Variants in DCC observed in about 807,000 individuals in gnomAD.
The protein encoded by DCC is netrin receptor DCC.
Under a neutral mutation model 172.5 loss-of-function variants are expected in DCC, and 58 were observed. That is an observed-to-expected ratio of 0.34 (90% CI 0.27 to 0.42). The LOEUF (loss-of-function observed/expected upper bound fraction) is 0.42, where lower values mean the gene tolerates loss of function less well. Among genes scored for constraint, DCC ranks in the 10% least tolerant of loss-of-function variants. The pLI is 1.00. For synonymous variants in DCC, 709 were observed against 644.5 expected (o/e 1.10, Z -1.52); for missense variants, 1,740 against 1,791.0 (o/e 0.97, Z 0.51).
intron 1 of DCC, among the ~76,000 whole-genome samples, chr18:52,407,461 G>A (rs2144393676): frequency 6.6e-6 from 1 of 151,942 alleles, no homozygotes; most frequent in South Asian, 2.1e-4. Context: ...TAATAACCTG[G>A]TCATACTCCA....
intron 2 of DCC, among the ~76,000 whole-genome samples, chr18:52,904,669 G>T (rs1568178265): frequency 6.6e-6 from 1 of 152,042 alleles, no homozygotes; most frequent in Non-Finnish European, 1.5e-5. Flanking sequence ...CTGGACCTGG[G>T]GAATGTTGAC....
rs189998697 is a variant in DCC at position 53,305,908 on chromosome 18, T to C, written c.2053+189T>C. On this transcript the variant is annotated intron_variant, in intron 13 of 28. Coordinates refer to ENST00000442544, the MANE Select transcript of DCC (RefSeq NM_005215.4). ...TTCTCTATAATGTTTTCACTATATA[T>C]TTCTCTCTGGATCATCGTCTTAATA... 9.5e-4 allele frequency among the ~76,000 whole-genome samples: 145 copies of C among 152,370 alleles called. 1 individual carries two copies. The highest frequency in any genetic ancestry group is 3.1e-3 in the African/African-American group (129 of 41,594).
Position 52,748,080 on chromosome 18 carries a change from A to G in DCC, c.92-3974A>G, listed in dbSNP as rs73457790. Among the ~76,000 whole-genome samples, 980 of 152,266 alleles carry G rather than the reference A, an allele frequency of 6.4e-3. 10 individuals are homozygous for G. The highest frequency in any genetic ancestry group is 0.023 in the African/African-American group (936 of 41,550). On this transcript the variant is annotated intron_variant, in intron 1 of 28. Transcript: ENST00000442544. The stretch of plus-strand genomic sequence containing the variant: ...CACGCCCACCATAGGCGTGCCAGGC[A>G]TGGAGCGGTGAGGGGTGTGTGAGTG...
chr18:53,266,395 A>G (rs1249653965), intron 12 of DCC, among the ~76,000 whole-genome samples: 2 of 152,204 alleles, frequency 1.3e-5, no homozygotes, highest in South Asian at 4.2e-4. Context: ...TTGTTTTATG[A>G]TTTTTGTTAT....
intron 2 of DCC, among the ~76,000 whole-genome samples, chr18:52,902,075 G>A (rs1229320696): frequency 6.6e-6 from 1 of 152,146 alleles, no homozygotes; most frequent in East Asian, 1.9e-4. Context: ...TTCCTTTTCA[G>A]AGGAAGTTCC....
At chr18:53,152,682 G>C (rs370468341) in intron 7 of DCC, among the ~76,000 whole-genome samples, 7 of 152,308 alleles carry the variant, frequency 4.6e-5, no homozygotes, top group African/African-American at 1.7e-4. Context: ...ATGGGCCAGA[G>C]AGATTAGGGC....
intron 2 of DCC, among the ~76,000 whole-genome samples, chr18:52,783,431 A>G (rs1019628353): frequency 2.1e-5 from 3 of 140,274 alleles, no homozygotes; most frequent in African/African-American, 5.4e-5. Flanking sequence ...TAATCTTGGC[A>G]TCCACAGGTG....
At chr18:53,030,241 C>T (rs2042009664) in intron 5 of DCC, among the ~76,000 whole-genome samples, 1 of 152,152 alleles carries the variant, frequency 6.6e-6, no homozygotes, top group Non-Finnish European at 1.5e-5. Flanking sequence ...TTCTGGCTAC[C>T]TTGCTAGAAT....
At chr18:53,352,789 G>C (rs1167074885) in intron 15 of DCC, among the ~76,000 whole-genome samples, 1 of 151,968 alleles carries the variant, frequency 6.6e-6, no homozygotes, top group African/African-American at 2.4e-5. Flanking sequence ...TATTTCATCT[G>C]TTGTCCCACC....
chr18:52,934,127 A>G (rs188093673), intron 5 of DCC, among the ~76,000 whole-genome samples: 2 of 152,244 alleles, frequency 1.3e-5, no homozygotes, highest in Non-Finnish European at 2.9e-5. Context: ...ATCATTATCT[A>G]TAAAATGTAC....
intron 7 of DCC, among the ~76,000 whole-genome samples, chr18:53,108,181 A>AG (rs2043278245): frequency 1.3e-3 from 6 of 4,676 alleles, no homozygotes; most frequent in African/African-American, 1.5e-3. Flanking sequence ...ATACACAGAA[A>AG]AACACACACA....
In DCC at chr18:53,476,352, C is replaced by G. The variant is rs558391426; in HGVS notation, c.3736+8342C>G. 3.9e-5 allele frequency among the ~76,000 whole-genome samples: 6 copies of G among 152,264 alleles called. 1 individual carries two copies. The South Asian group carries it at 1.2e-3, about 32-fold the overall frequency. ...TATATGGTTTGGCTGTGTCCCCACC[C>G]AAATCTCATCTTGAATTCCCATGTG... On this transcript the variant is annotated intron_variant, in intron 25 of 28. Transcript: ENST00000442544.
chr18:53,126,571 C>G (rs1410262286), intron 7 of DCC, among the ~76,000 whole-genome samples: 7 of 152,114 alleles, frequency 4.6e-5, no homozygotes, highest in African/African-American at 1.7e-4. Context: ...ATAGCACAAA[C>G]AATCTGGGTT....
At chr18:53,452,890 G>GGTTTGTTTGTTT (rs10553364) in intron 23 of DCC, among the ~76,000 whole-genome samples, 69 of 150,294 alleles carry the variant, frequency 4.6e-4, no homozygotes, top group Middle Eastern at 3.4e-3. Flanking sequence ...AGTTTAGTGG[G>GGTTTGTTTGTTT]GTTTGTTTGT....
chr18:52,496,551 T>C (rs1258114090), intron 1 of DCC, among the ~76,000 whole-genome samples: 2 of 152,154 alleles, frequency 1.3e-5, no homozygotes, highest in African/African-American at 4.8e-5. Context: ...TGCACATTTG[T>C]AGTTCACAAG....
At chr18:53,124,743 A>G (rs2043530534) in intron 7 of DCC, among the ~76,000 whole-genome samples, 2 of 152,074 alleles carry the variant, frequency 1.3e-5, no homozygotes, top group African/African-American at 4.8e-5. Flanking sequence ...AGGCAGGTGG[A>G]TCACCTGAGG....
At position 52,490,481 on chromosome 18, in the gene DCC, G is replaced by A. The variant is rs192305207; in HGVS notation, c.91+149603G>A. On this transcript the variant is annotated intron_variant, in intron 1 of 28. Transcript: ENST00000442544. ...AACCTACTTTCTTTGTTTTCATGAC[G>A]GGGAAACTGAGACTAAGACAAATAA... Among the ~76,000 whole-genome samples the A allele has an allele frequency of 1.4e-4, 21 of 152,086 alleles. No individual in the cohort carries two copies. The East Asian group carries it at 3.9e-3, about 28-fold the overall frequency.
chr18:52,708,884 G>T (rs2036252414), intron 1 of DCC, among the ~76,000 whole-genome samples: 1 of 152,166 alleles, frequency 6.6e-6, no homozygotes, highest in African/African-American at 2.4e-5. Context: ...AAGAACCCTG[G>T]CCTGGGAGCT....
chr18:53,487,057 G>T (rs1395916645), intron 26 of DCC, 99 bp downstream of exon 26: 5 of 1,478,212 alleles, frequency 3.4e-6, no homozygotes, highest in Middle Eastern at 2.4e-4. Context: ...TAGAAAAGTT[G>T]ATTTCCCTAT....
Sources: allele counts gnomAD v4.1 joint callset (sites outside exome capture counted in the v4.1 genomes callset), GRCh38; gene constraint gnomAD v4.1.1; transcripts MANE v1.5; gene names NCBI Gene and HGNC (gene_info 2026-07-23, HGNC 2026-07-21).